Variants in KIF26B observed in about 807,000 individuals in gnomAD.
KIF26B encodes kinesin family member 26B.
A neutral mutation model predicts 151.2 loss-of-function variants in KIF26B; 63 were observed. The ratio of observed to expected loss-of-function variants is 0.42; its 90% CI spans 0.34 to 0.51. KIF26B has a LOEUF of 0.51. KIF26B is among the 20% of genes least tolerant of loss of function. The pLI is 0.07. For missense variants in KIF26B, 2,813 were observed against 2,913.6 expected (o/e 0.97, Z 0.79); for synonymous variants, 1,357 against 1,262.1 (o/e 1.08, Z -1.59).
chr1:245,688,700 A>AGGCCACCGGCAGCGC lies in KIF26B; in HGVS notation c.5719_5733dup (p.Ala1907_Ala1911dup). 1 of 1,607,324 alleles carries AGGCCACCGGCAGCGC rather than the reference A, an allele frequency of 6.2e-7. No individual in the cohort carries two copies. The highest frequency in any genetic ancestry group is 8.5e-7 in the Non-Finnish European group (1 of 1,177,820). ...TACGAGAGCGTGATGCGGGACAGCG[A>AGGCCACCGGCAGCGC]GGCCACCGGCAGCGCGTCCTCGGCG... On this transcript the variant is annotated inframe_insertion, in exon 12 of 15. Coordinates refer to ENST00000407071, the MANE Select transcript of KIF26B (RefSeq NM_018012.4).
At chr1:245,199,010 GACAGAC>G (rs1558342361) in intron 2 of KIF26B, among the ~76,000 whole-genome samples, 4 of 145,912 alleles carry the variant, frequency 2.7e-5, no homozygotes, top group Admixed American at 6.8e-5. Flanking sequence ...CCAAGCAGGG[GACAGAC>G]TAGGTGGGGC....
chr1:245,319,750 T>G (rs1249627246), intron 2 of KIF26B, among the ~76,000 whole-genome samples: 1 of 152,216 alleles, frequency 6.6e-6, no homozygotes, highest in South Asian at 2.1e-4. Flanking sequence ...GCACTACTTA[T>G]GAAATCTCTG....
intron 2 of KIF26B, among the ~76,000 whole-genome samples, chr1:245,282,183 A>G (rs973205008): frequency 6.6e-6 from 1 of 152,082 alleles, no homozygotes; most frequent in African/African-American, 2.4e-5. Context: ...GGTAATTTAC[A>G]GATTCAATGC....
chr1:245,394,435 C>T (rs1673772779), intron 3 of KIF26B, among the ~76,000 whole-genome samples: 1 of 152,018 alleles, frequency 6.6e-6, no homozygotes, highest in Non-Finnish European at 1.5e-5. Context: ...CAAACCTGGC[C>T]AACATGGTGA....
chr1:245,541,828 G>A (rs531564463), intron 5 of KIF26B, among the ~76,000 whole-genome samples: 15 of 152,162 alleles, frequency 9.9e-5, no homozygotes, highest in East Asian at 3.9e-4. Flanking sequence ...TGTTCAGTTC[G>A]CAGACTGCCA....
intron 4 of KIF26B, among the ~76,000 whole-genome samples, chr1:245,451,620 T>A (rs1659395676): frequency 6.9e-6 from 1 of 145,180 alleles, no homozygotes; most frequent in Non-Finnish European, 1.5e-5. Flanking sequence ...TTTTGGTTTT[T>A]GAGATGGAGT....
chr1:245,695,160 C>T (rs1236380977), intron 12 of KIF26B, among the ~76,000 whole-genome samples: 1 of 152,182 alleles, frequency 6.6e-6, no homozygotes, highest in African/African-American at 2.4e-5. Flanking sequence ...AATGCTGGAG[C>T]ATGCAGAAAA....
At chr1:245,302,629 G>A (rs1671444635) in intron 2 of KIF26B, among the ~76,000 whole-genome samples, 1 of 152,102 alleles carries the variant, frequency 6.6e-6, no homozygotes, top group Admixed American at 6.6e-5. Context: ...AAGAAACATC[G>A]AGGAATTTCC....
intron 2 of KIF26B, among the ~76,000 whole-genome samples, chr1:245,299,356 C>T (rs1671389746): frequency 6.9e-6 from 1 of 144,356 alleles, no homozygotes; most frequent in Admixed American, 6.9e-5. Context: ...GTTTGGGTCG[C>T]CCACATGATG....
chr1:245,342,496 G>A (rs1310951854), intron 2 of KIF26B, among the ~76,000 whole-genome samples: 4 of 152,184 alleles, frequency 2.6e-5, no homozygotes, highest in South Asian at 4.1e-4. Context: ...TGGCTCCTCC[G>A]TCTATGGCCT....
At chr1:245,182,101 A>G (rs1158244236) in intron 2 of KIF26B, among the ~76,000 whole-genome samples, 2 of 152,144 alleles carry the variant, frequency 1.3e-5, no homozygotes, top group African/African-American at 4.8e-5. Flanking sequence ...GTGCCATGAA[A>G]TTCACTTGTT....
intron 2 of KIF26B, among the ~76,000 whole-genome samples, chr1:245,196,260 C>G (rs550817206): frequency 6.6e-6 from 1 of 152,268 alleles, no homozygotes; most frequent in South Asian, 2.1e-4. Flanking sequence ...TGTGAACTTC[C>G]CTTTGCAATG....
At chr1:245,169,330 T>TGTGTGGGTGTGTGTGG (rs1553330289) in intron 2 of KIF26B, among the ~76,000 whole-genome samples, 1 of 142,332 alleles carries the variant, frequency 7.0e-6, no homozygotes, top group East Asian at 2.0e-4. Flanking sequence ...CGGGCCATGG[T>TGTGTGGGTGTGTGTGG]GTGTGTGTGT....
chr1:245,201,262 A>G (rs1669296150), intron 2 of KIF26B, among the ~76,000 whole-genome samples: 2 of 152,228 alleles, frequency 1.3e-5, no homozygotes, highest in Non-Finnish European at 1.5e-5. Context: ...GATCAGTTTC[A>G]TTTTGAAATA....
intron 3 of KIF26B, among the ~76,000 whole-genome samples, chr1:245,414,943 G>T (rs1002562107): frequency 6.6e-6 from 1 of 152,168 alleles, no homozygotes; most frequent in African/African-American, 2.4e-5. Context: ...GGAAAAAAAC[G>T]GGAATCAGAG....
intron 2 of KIF26B, among the ~76,000 whole-genome samples, chr1:245,258,924 C>T (rs948505242): frequency 1.3e-4 from 20 of 152,184 alleles, no homozygotes; most frequent in African/African-American, 4.1e-4. Flanking sequence ...GCATGCTGAT[C>T]GGCCTCTGGC....
In KIF26B at chr1:245,227,537, C is replaced by G. The variant is rs955436649; in HGVS notation, c.465+70854C>G. On this transcript the variant is annotated intron_variant, in intron 2 of 14. Transcript: ENST00000407071. The surrounding 1 kb of genome is among the most constrained non-coding windows in gnomAD (Gnocchi z 4.1). ...GATTCCTCACGGGCAGAGATACTAC[C>G]CTCTGAGCTTGCTCCCTGCTTTGCT... Among the ~76,000 whole-genome samples the G allele has an allele frequency of 6.6e-6, 1 of 152,168 alleles. No individual in the cohort carries two copies. The highest frequency in any genetic ancestry group is 1.5e-5 in the Non-Finnish European group (1 of 68,038).
chr1:245,507,982 A>T (rs1165579168), intron 4 of KIF26B, among the ~76,000 whole-genome samples: 1 of 152,126 alleles, frequency 6.6e-6, no homozygotes, highest in Non-Finnish European at 1.5e-5. Flanking sequence ...AAAGTGTAGC[A>T]GATTGAATGT....
chr1:245,232,486 G>A (rs116006495), intron 2 of KIF26B, among the ~76,000 whole-genome samples: 2,148 of 151,476 alleles, frequency 0.014, 33 homozygotes, highest in Non-Finnish European at 0.024. Context: ...AGAAGATCTA[G>A]ATGCACTATT....
Sources: gnomAD v4.1 joint callset for allele counts (sites outside exome capture counted in the v4.1 genomes callset) on GRCh38, gnomAD v4.1.1 for gene constraint, Gnocchi (gnomAD v3.1) non-coding constraint, MANE v1.5 for transcripts, NCBI Gene and HGNC (gene_info 2026-07-23, HGNC 2026-07-21) for gene names.